The following TTN variants were observed in gnomAD, a reference collection of about 807,000 sequenced individuals.
TTN encodes the protein titin, also known as connectin.
TTN carries 1,525 observed loss-of-function variants against 3,223.0 expected under a neutral mutation model. The observed-to-expected ratio is 0.47, with a 90% CI of 0.45 to 0.49. The LOEUF (loss-of-function observed/expected upper bound fraction) is 0.49. Ranked by LOEUF, TTN falls within the 20% of genes least tolerant of loss-of-function variation. The pLI is 0.00. For synonymous variants in TTN, 14,094 were observed against 15,161.0 expected, an observed-to-expected ratio of 0.93 and a Z score of 5.17; for missense variants, 40,786 against 43,424.0, an observed-to-expected ratio of 0.94 and a Z score of 5.40.
intron 40 of TTN, among the ~76,000 whole-genome samples, chr2:178,766,934 G>C (rs976961825): frequency 6.6e-6 from 1 of 152,034 alleles, no homozygotes; most frequent in African/African-American, 2.4e-5. Flanking sequence ...TACCTTTGGG[G>C]GCTTTTTATT....
At chr2:178,608,104 A>C in intron 275 of TTN, 23 bp from the exon 276 acceptor site, 1 of 1,608,886 alleles carries the variant, frequency 6.2e-7, no homozygotes, top group African/African-American at 1.3e-5. Flanking sequence ...AAGATAGACA[A>C]ATCAAACTCC....
At chr2:178,606,701 A>C (rs2054938351) in intron 278 of TTN, among the ~76,000 whole-genome samples, 1 of 151,962 alleles carries the variant, frequency 6.6e-6, no homozygotes, top group Non-Finnish European at 1.5e-5. Flanking sequence ...TAAGTTTTAA[A>C]AACCCGACTT....
At position 178,729,701 on chromosome 2, in the gene TTN, T is replaced by A. The variant is rs2080057937; in HGVS notation, c.18552A>T (p.Ala6184=). ...GTTCAATGCTGCAGCTCGCCGTGCCTGCGTCATTTCGAGCTTCACACACAT... is the reference window on the plus strand; with the variant it reads ...GTTCAATGCTGCAGCTCGCCGTGCCAGCGTCATTTCGAGCTTCACACACAT... ...GTYVCEARND[A]GTASCSIELK... is the part of the protein sequence containing the mutation. The change falls in exon 63 of 363, where the codon GCA becomes GCT. Residue 6184 remains alanine, a synonymous_variant. Coordinates refer to ENST00000589042, the MANE Select transcript of TTN (RefSeq NM_001267550.2). The A allele has an allele frequency of 1.9e-6, 3 of 1,613,774 alleles. No individual in the cohort carries two copies. The African/African-American group carries it at 4.0e-5, about 22-fold the overall frequency.
At position 178,635,507 on chromosome 2, in the gene TTN, T is replaced by G. The variant is rs532478704; in HGVS notation, c.41817A>C (p.Pro13939=). ...CCACTGCATACTCAGCAATATCTTC[T>G]GGCATAGCATTCTTAATTTTGAGGT... ...HLYLKIKNAM[P]EDIAEYAVEI... The change falls in exon 227 of 363, where the codon CCA becomes CCC. Residue 13939 remains proline, a synonymous_variant. Transcript: ENST00000589042. 5 of 1,602,804 alleles carry G rather than the reference T, an allele frequency of 3.1e-6. No individual in the cohort carries two copies. The highest frequency in any genetic ancestry group is 4.3e-6 in the Non-Finnish European group (5 of 1,173,730).
chr2:178,590,819 T>C lies in TTN; in HGVS notation c.60906A>G (p.Pro20302=), dbSNP rs998327151. ...WTLPKSDGGS[P]ITGYYMERRE... ...GACGTTCCATATAGTAGCCAGTTAT[T>C]GGACTGCCACCATCAGATTTTGGCA... is the stretch of plus-strand genomic sequence containing the variant. Residue 20302 remains proline, a synonymous_variant, in exon 304 of 363, where the codon CCA becomes CCG. Coordinates refer to ENST00000589042, the MANE Select transcript of TTN (RefSeq NM_001267550.2). 6.2e-7 allele frequency: 1 copy of C among 1,607,000 alleles called. No homozygotes were observed. The highest frequency in any genetic ancestry group is 1.1e-5 in the South Asian group (1 of 90,904).
rs2154136586 is a variant in TTN at position 178,535,329 on chromosome 2, T to G, written c.101286A>C (p.Val33762=). 2 of 1,613,956 alleles carry G rather than the reference T, an allele frequency of 1.2e-6. No homozygotes were observed. ...LFGKTSYQFR[V]IAENKFGLSK... The stretch of plus-strand genomic sequence containing the variant: ...TCAGACCAAATTTATTTTCAGCTAT[T>G]ACCCGGAACTGGTAACTTGTTTTTC... The change falls in exon 358 of 363, where the codon GTA becomes GTC. Residue 33762 remains valine, a synonymous_variant. Transcript: ENST00000589042.
At position 178,601,297 on chromosome 2, in the gene TTN, G is replaced by C. The variant is rs773703444; in HGVS notation, c.55700C>G (p.Thr18567Ser). Reference protein sequence around the residue: ...NRFGIGPPVETIQRTTARDPI... With the variant: ...NRFGIGPPVESIQRTTARDPI... ...ATCTCTGGCAGTGGTCCTCTGAATG[G>C]TTTCCACAGGTGGGCCAATACCAAA... The change falls in exon 287 of 363, where the codon ACC becomes AGC. Residue 18567 changes from threonine to serine, a missense_variant. By Grantham distance (58) the Thr-to-Ser change is moderately conservative (BLOSUM62 1). Transcript: ENST00000589042. 6.3e-7 allele frequency: 1 copy of C among 1,587,842 alleles called. No individual in the cohort carries two copies. Among genetic ancestry groups the C allele is most frequent in the Non-Finnish European group, 8.6e-7 (1 of 1,166,958 alleles).
intron 208 of TTN, 144 bp downstream of exon 208, chr2:178,651,099 A>C: frequency 5.6e-6 from 4 of 719,368 alleles, no homozygotes; most frequent in Non-Finnish European, 2.3e-6. Context: ...AAAAATTATT[A>C]AAAAGTATTC....
chr2:178,768,564 A>G, intron 38 of TTN, 109 bp downstream of exon 38: 3 of 1,487,896 alleles, frequency 2.0e-6, no homozygotes, highest in Non-Finnish European at 2.8e-6. Context: ...ATGATATCCC[A>G]TCGTATGGCT....
Position 178,593,973 on chromosome 2 carries a change from C to T in TTN, c.58420G>A (p.Val19474Ile), listed in dbSNP as rs1307485937. Residue 19474 changes from valine to isoleucine, a missense_variant, in exon 297 of 363, where the codon GTT becomes ATT. By Grantham distance (29) the Val-to-Ile change is conservative. Coordinates refer to ENST00000589042, the MANE Select transcript of TTN (RefSeq NM_001267550.2). ...AAATAAGACTTACCAACAACATTAA[C>T]TTGACAGAAACCTTTCCTAGAGCCT... ...STGSRKGFCQ[V>I]NVVDRPGPPV... 6.2e-7 allele frequency: 1 copy of T among 1,613,298 alleles called. No individual in the cohort carries two copies. Among genetic ancestry groups the T allele is most frequent in the Non-Finnish European group, 8.5e-7 (1 of 1,179,650 alleles).
chr2:178,589,763 G>T lies in TTN; in HGVS notation c.61962C>A (p.Ile20654=). The change falls in exon 304 of 363, where the codon ATC becomes ATA. Residue 20654 remains isoleucine (I), a synonymous_variant. Transcript: ENST00000589042. ...AENKVGVGPT[I]ETKTPILAIN... ...TAGCCAGAATGGGAGTTTTTGTTTC[G>T]ATGGTTGGCCCAACACCTACTTTAT... 1 of 1,613,472 alleles carries T rather than the reference G, an allele frequency of 6.2e-7. No homozygotes were observed. The highest frequency in any genetic ancestry group is 8.5e-7 in the Non-Finnish European group (1 of 1,179,578).
At position 178,603,867 on chromosome 2, in the gene TTN, C is replaced by A; in HGVS notation, c.54811+9G>T. On this transcript the variant is annotated intron_variant, in intron 282 of 362. Transcript: ENST00000589042. ...AGAAATTAGTCCCCAGAAACGGAAGCATACTTACATATGGGATCTCCTGCA... is the reference window on the plus strand; with the variant it reads ...AGAAATTAGTCCCCAGAAACGGAAGAATACTTACATATGGGATCTCCTGCA... The A allele has an allele frequency of 6.5e-7, 1 of 1,537,172 alleles. No individual in the cohort carries two copies. Among genetic ancestry groups the A allele is most frequent in the Non-Finnish European group, 8.8e-7 (1 of 1,131,032 alleles).
At position 178,543,659 on chromosome 2, in the gene TTN, G is replaced by C. The variant is rs768124637; in HGVS notation, c.96314C>G (p.Thr32105Ser). 2 of 1,580,048 alleles carry C rather than the reference G, an allele frequency of 1.3e-6. No homozygotes were observed. Among genetic ancestry groups the C allele is most frequent in the Non-Finnish European group, 1.7e-6 (2 of 1,168,382 alleles). Reference protein sequence around the residue: ...SATVLVKVYDTPGPCPSVKVK... With the variant: ...SATVLVKVYDSPGPCPSVKVK... ...TTTCACTGAAGGACAGGGACCAGGA[G>C]TATCTGAAAAACAGAATGAAAGATT... The change falls in exon 347 of 363, where the codon ACT (threonine) becomes AGT (serine). Residue 32105 changes from threonine to serine, a missense_variant. Coordinates refer to ENST00000589042, the MANE Select transcript of TTN (RefSeq NM_001267550.2).
rs1171957663 is a variant in TTN, at chr2:178,552,720, G to A, written c.90180C>T (p.Ser30060=). 4.3e-6 allele frequency: 7 copies of A among 1,613,738 alleles called. No individual in the cohort carries two copies. Among genetic ancestry groups the A allele is most frequent in the African/African-American group, 2.7e-5 (2 of 74,902 alleles). Residue 30060 remains serine, a synonymous_variant, in exon 335 of 363, where the codon AGC becomes AGT. Transcript: ENST00000589042. ...SWTKPDFDGG[S]VITEYVVERK... is the part of the protein sequence containing the mutation. ...TTTCTACAACATATTCTGTGATGAC[G>A]CTACCACCATCAAAGTCAGGTTTGG...
chr2:178,774,930 T>G lies in TTN; in HGVS notation c.6781A>C (p.Ile2261Leu), dbSNP rs755035176. 2 of 1,613,694 alleles carry G rather than the reference T, an allele frequency of 1.2e-6. No homozygotes were observed. The highest frequency in any genetic ancestry group is 1.3e-5 in the African/African-American group (1 of 75,028). Residue 2261 changes from isoleucine to leucine, a missense_variant, in exon 29 of 363, where the codon ATT (isoleucine) becomes CTT (leucine). Transcript: ENST00000589042. Reference protein sequence around the residue: ...DENVKTTAKLIVEGAVVEFVK... With the variant: ...DENVKTTAKLLVEGAVVEFVK... Reference sequence around the variant, plus strand: ...CTTCGTTGTTGAATACCTTCAACAATAAGTTTAGCAGTCGTTTTGACATTT... The same window carrying G: ...CTTCGTTGTTGAATACCTTCAACAAGAAGTTTAGCAGTCGTTTTGACATTT...
intron 43 of TTN, among the ~76,000 whole-genome samples, chr2:178,761,983 G>A (rs1261249754): frequency 6.6e-6 from 1 of 151,934 alleles, no homozygotes; most frequent in Non-Finnish European, 1.5e-5. Flanking sequence ...CTACCAGTAG[G>A]TGGCACTGGA....
Position 178,704,890 on chromosome 2 carries a change from A to C in TTN, c.29681T>G (p.Leu9894Arg). ...EELVSFIQQR[L>R]SQTEPVTLIK... ...AATTCTTTTTACCTCTGTCTGTGACAGTCTTTGCTGAATAAATGATACAAG... is the reference window on the plus strand; with the variant it reads ...AATTCTTTTTACCTCTGTCTGTGACCGTCTTTGCTGAATAAATGATACAAG... Residue 9894 changes from leucine to arginine, a missense_variant, in exon 104 of 363, where the codon CTG becomes CGG. Coordinates refer to ENST00000589042, the MANE Select transcript of TTN (RefSeq NM_001267550.2). 1 of 1,613,524 alleles carries C rather than the reference A, an allele frequency of 6.2e-7. No individual in the cohort carries two copies.
At chr2:178,706,381 T>C in intron 102 of TTN, 73 bp downstream of exon 102, 1 of 1,460,504 alleles carries the variant, frequency 6.8e-7, no homozygotes, top group South Asian at 1.4e-5. Flanking sequence ...CCACTGGGGC[T>C]GGTTGACTGT....
chr2:178,771,162 G>T, intron 34 of TTN, 49 bp downstream of exon 34: 1 of 1,611,804 alleles, frequency 6.2e-7, no homozygotes. Flanking sequence ...AAACGATAAC[G>T]ATCAAGATTG....
Sources: allele counts gnomAD v4.1 joint callset (sites outside exome capture counted in the v4.1 genomes callset), GRCh38; gene constraint gnomAD v4.1.1; transcripts MANE v1.5; gene names NCBI Gene and HGNC (gene_info 2026-07-23, HGNC 2026-07-21).